The following ASH1L variants were observed in gnomAD, a reference collection of about 807,000 sequenced individuals.
ASH1L encodes ASH1 like histone lysine methyltransferase.
Under a neutral mutation model 269.0 loss-of-function variants are expected in ASH1L, and 23 were observed. The observed-to-expected ratio is 0.09, with a 90% CI of 0.06 to 0.12. The LOEUF is 0.12. ASH1L is among the 10% of genes least tolerant of loss of function. The probability of loss-of-function intolerance (pLI) is 1.00; values close to 1 mark genes in which losing one functional copy is unlikely to be tolerated. For missense variants in ASH1L, 2,912 were observed against 3,567.8 expected (o/e 0.82, Z 4.68); for synonymous variants, 1,187 against 1,253.5 (o/e 0.95, Z 1.12).
At chr1:155,506,415 G>C (rs1667817776) in intron 2 of ASH1L, among the ~76,000 whole-genome samples, 1 of 152,154 alleles carries the variant, frequency 6.6e-6, no homozygotes, top group African/African-American at 2.4e-5. Context: ...AACAACATTA[G>C]GCTGGGCACG....
intron 1 of ASH1L, among the ~76,000 whole-genome samples, chr1:155,561,599 T>C (rs1277968372): frequency 6.9e-6 from 1 of 145,860 alleles, no homozygotes; most frequent in Non-Finnish European, 1.5e-5. Context: ...CATCCTCACA[T>C]ACACACACCA....
intron 15 of ASH1L, among the ~76,000 whole-genome samples, chr1:155,356,716 A>G (rs1654423541): frequency 6.6e-6 from 1 of 151,808 alleles, no homozygotes; most frequent in Non-Finnish European, 1.5e-5. Flanking sequence ...TCCTGGGCTC[A>G]AGTAATTTTC....
intron 1 of ASH1L, among the ~76,000 whole-genome samples, chr1:155,532,760 T>C (rs955059625): frequency 4.6e-5 from 7 of 150,938 alleles, no homozygotes; most frequent in African/African-American, 1.2e-4. Flanking sequence ...GAGGCACAGG[T>C]TGCAGTGAGC....
rs898388630 is a variant in ASH1L at position 155,547,197 on chromosome 1, C to T, written c.-100+14956G>A. 6.0e-5 allele frequency among the ~76,000 whole-genome samples: 9 copies of T among 151,064 alleles called. No homozygotes were observed. The South Asian group carries it at 1.3e-3, about 21-fold the overall frequency. The stretch of plus-strand genomic sequence containing the variant: ...AGATCTCTTGACCTCGTGATCTGCC[C>T]GCCTTGGCCTCCCAAAGTGCTGGGA... On this transcript the variant is annotated intron_variant, in intron 1 of 27. Transcript: ENST00000392403.
chr1:155,368,543 C>A (rs886781035), intron 12 of ASH1L, among the ~76,000 whole-genome samples: 1 of 151,988 alleles, frequency 6.6e-6, no homozygotes, highest in Non-Finnish European at 1.5e-5. Flanking sequence ...CTGCAACCTC[C>A]GCCTCGCGGG....
At chr1:155,505,282 G>A (rs1667739212) in intron 2 of ASH1L, among the ~76,000 whole-genome samples, 1 of 152,128 alleles carries the variant, frequency 6.6e-6, no homozygotes, top group African/African-American at 2.4e-5. Flanking sequence ...TGACAAAGTT[G>A]TCAACACCTA....
At chr1:155,447,825 AT>A (rs774721935) in intron 4 of ASH1L, among the ~76,000 whole-genome samples, 2 of 151,980 alleles carry the variant, frequency 1.3e-5, no homozygotes, top group Non-Finnish European at 2.9e-5. Context: ...TCTTCACTTT[AT>A]TGATTGTATA....
chr1:155,496,952 T>C (rs1272911044), intron 2 of ASH1L, among the ~76,000 whole-genome samples: 1 of 152,046 alleles, frequency 6.6e-6, no homozygotes, highest in Non-Finnish European at 1.5e-5. Flanking sequence ...AGCCAATTAT[T>C]AGATTTTCTA....
chr1:155,474,841 T>C lies in ASH1L; in HGVS notation c.4984+3045A>G, dbSNP rs183089015. On this transcript the variant is annotated intron_variant, in intron 3 of 27. Coordinates refer to ENST00000392403, the MANE Select transcript of ASH1L (RefSeq NM_018489.3). ...TAACCTAATCTAAGCACCATCATGT[T>C]ATCTAGACTACTGCAATTGCCTATT... 5.9e-5 allele frequency among the ~76,000 whole-genome samples: 9 copies of C among 152,362 alleles called. 1 individual carries two copies. The East Asian group carries it at 1.5e-3, about 26-fold the overall frequency.
intron 4 of ASH1L, among the ~76,000 whole-genome samples, chr1:155,448,761 C>T (rs1663229979): frequency 6.6e-6 from 1 of 152,126 alleles, no homozygotes; most frequent in Non-Finnish European, 1.5e-5. Flanking sequence ...TCCCAAAGTG[C>T]TGGGATTACA....
Position 155,480,165 on chromosome 1 carries a change from T to C in ASH1L, c.2705A>G (p.Lys902Arg), listed in dbSNP as rs373618299. The C allele has an allele frequency of 5.0e-6, 8 of 1,614,046 alleles. No homozygotes were observed. The highest frequency in any genetic ancestry group is 5.9e-6 in the Non-Finnish European group (7 of 1,180,016). The change falls in exon 3 of 28, where the codon AAG becomes AGG. Residue 902 changes from lysine (K) to arginine (R), a missense_variant. Lys to Arg is a conservative substitution (Grantham distance 26). This residue lies in a region of ASH1L where 715 missense variants were observed against 721.0 expected (regional missense o/e 0.99). Coordinates refer to ENST00000392403, the MANE Select transcript of ASH1L (RefSeq NM_018489.3). ...CACTGACAGTACAGGTGGCTTCATC[T>C]TGACTGGTGACCTCATTTGCCTCTT... is the stretch of plus-strand genomic sequence containing the variant. ...RPKRQMRSPV[K>R]MKPPVLSVAP...
rs183222239 is a variant in ASH1L at position 155,434,403 on chromosome 1, G to C, written c.5828+3924C>G. ...TGGGAACACAAAGGGTGGGGGCAGGGGAGTTTGGGGCAACTGGTTGGAGGG... is the reference window on the plus strand; with the variant it reads ...TGGGAACACAAAGGGTGGGGGCAGGCGAGTTTGGGGCAACTGGTTGGAGGG... On this transcript the variant is annotated intron_variant, in intron 5 of 27. Coordinates refer to ENST00000392403, the MANE Select transcript of ASH1L (RefSeq NM_018489.3). 1,138 of 1,141,598 alleles carry C rather than the reference G, an allele frequency of 1.0e-3. 4 individuals carry two copies. Among genetic ancestry groups the C allele is most frequent in the Non-Finnish European group, 1.1e-3 (876 of 806,972 alleles). The allele number at this position is 1,141,598 out of a possible 1,614,324, so 70.7% of individuals were successfully genotyped here. A position where few individuals can be genotyped will look rare whatever the true frequency, so the allele number is the denominator to read the frequency against.
intron 26 of ASH1L, among the ~76,000 whole-genome samples, chr1:155,339,108 C>T (rs576694080): frequency 6.6e-6 from 1 of 152,212 alleles, no homozygotes; most frequent in African/African-American, 2.4e-5. Flanking sequence ...ATCTCTGTCT[C>T]TACTCCCTGC....
At chr1:155,401,747 T>G (rs958083974) in intron 6 of ASH1L, among the ~76,000 whole-genome samples, 1 of 150,820 alleles carries the variant, frequency 6.6e-6, no homozygotes, top group Non-Finnish European at 1.5e-5. Flanking sequence ...AAGATCGTGC[T>G]ATTGCACACC....
intron 2 of ASH1L, among the ~76,000 whole-genome samples, chr1:155,513,621 G>A (rs1242362491): frequency 1.3e-5 from 2 of 149,542 alleles, no homozygotes; most frequent in Non-Finnish European, 1.5e-5. Flanking sequence ...GTGACACAGC[G>A]ACACCCAATC....
chr1:155,378,651 A>G, intron 8 of ASH1L, 103 bp from the exon 9 acceptor site: 1 of 875,648 alleles, frequency 1.1e-6, no homozygotes, highest in South Asian at 1.6e-5. Flanking sequence ...TGCTCTGCTC[A>G]TCTGGAAATA....
chr1:155,340,201 T>G (rs1652662870), intron 25 of ASH1L, among the ~76,000 whole-genome samples: 1 of 151,656 alleles, frequency 6.6e-6, no homozygotes, highest in African/African-American at 2.4e-5. Context: ...TTTCTTTTTA[T>G]TTTTTGAGAG....
chr1:155,494,700 T>A (rs1667035886), intron 2 of ASH1L, among the ~76,000 whole-genome samples: 1 of 152,124 alleles, frequency 6.6e-6, no homozygotes, highest in African/African-American at 2.4e-5. Flanking sequence ...GATCAGGAGT[T>A]TAGTTTGAGA....
chr1:155,340,912 C>G lies in ASH1L; in HGVS notation c.8460+1024G>C, dbSNP rs1014930375. Reference sequence around the variant, plus strand: ...AGCCTCCCAAGGTGCTGAGATTACACACGTGAGCCACCATGATGTTTATAC... The same window carrying G: ...AGCCTCCCAAGGTGCTGAGATTACAGACGTGAGCCACCATGATGTTTATAC... On this transcript the variant is annotated intron_variant, in intron 25 of 27. Coordinates refer to ENST00000392403, the MANE Select transcript of ASH1L (RefSeq NM_018489.3). Among the ~76,000 whole-genome samples, 158 of 151,698 alleles carry G rather than the reference C, an allele frequency of 1.0e-3. 1 individual carries two copies. The highest frequency in any genetic ancestry group is 3.7e-3 in the African/African-American group (153 of 41,366).
Sources: allele counts gnomAD v4.1 joint callset (sites outside exome capture counted in the v4.1 genomes callset), GRCh38; gene constraint gnomAD v4.1.1; regional missense constraint gnomAD v4.1.1; transcripts MANE v1.5; gene names NCBI Gene and HGNC (gene_info 2026-07-23, HGNC 2026-07-21).